Variants in PAGE2 observed in about 807,000 individuals in gnomAD.
PAGE2 encodes P antigen family member 2.
In PAGE2, 6 loss-of-function variants were observed where a neutral mutation model predicts 7.5. The ratio of observed to expected loss-of-function variants is 0.80; its 90% confidence interval spans 0.44 to 1.57. The LOEUF is 1.57. PAGE2 is among the 40% of genes most tolerant of loss of function. PAGE2 has a pLI of 0.01. For synonymous variants in PAGE2, 22 were observed against 25.4 expected, an observed-to-expected ratio of 0.87 and a Z score of 0.41; for missense variants, 72 against 76.4, an observed-to-expected ratio of 0.94 and a Z score of 0.21.
chrX:55,089,830 A>G (rs1219648680), intron 1 of PAGE2, among the ~76,000 whole-genome samples, 183 bp from the exon 2 acceptor site: 1 of 111,157 alleles, frequency 9.0e-6, no homozygotes, highest in Non-Finnish European at 1.9e-5. Flanking sequence ...CTCTTCGACT[A>G]TGATACAAAC....
Position 55,090,627 on chromosome X carries a change from A to G in PAGE2, c.193+17A>G, listed in dbSNP as rs2453229. ...CTTTTCAAGGTGAAGGGAGAGTGGA[A>G]AATAATGCTTATGGGTGGTGGAGGT... On this transcript the variant is annotated intron_variant, in intron 3 of 4. Coordinates refer to ENST00000374968, the MANE Select transcript of PAGE2 (RefSeq NM_207339.4). 1.1e-4 allele frequency: 131 copies of G among 1,175,192 alleles called. 1 individual carries two copies. The highest frequency in any genetic ancestry group is 5.3e-4 in the African/African-American group (29 of 54,569).
chrX:55,089,436 G>C (rs111701018), intron 1 of PAGE2, among the ~76,000 whole-genome samples: 1,414 of 110,394 alleles, frequency 0.013, 79 homozygotes, highest in African/African-American at 0.045. Flanking sequence ...ACGCGGGAAG[G>C]GACCGTGTGG....
chrX:55,090,576 G>T lies in PAGE2; in HGVS notation c.159G>T (p.Gly53=), dbSNP rs1936647275. ...ATAATCAGGGTATTGCACCTAGTGG[G>T]GAGATTGAAAATCAAGCAGTGCCTG... The part of the protein sequence containing the change: ...PTDNQGIAPS[G]EIENQAVPAF... The change falls in exon 3 of 5, where the codon GGG becomes GGT. Residue 53 remains glycine, a synonymous_variant. Transcript: ENST00000374968. 1 of 1,204,628 alleles carries T rather than the reference G, an allele frequency of 8.3e-7. No individual in the cohort carries two copies. Among genetic ancestry groups the T allele is most frequent in the Non-Finnish European group, 1.1e-6 (1 of 893,591 alleles).
At chrX:55,089,646 T>TG (rs1273327916) in intron 1 of PAGE2, among the ~76,000 whole-genome samples, 2 of 108,359 alleles carry the variant, frequency 1.8e-5, no homozygotes, top group Non-Finnish European at 3.8e-5. Flanking sequence ...TTGAGAGGGG[T>TG]GTGGGGGTGA....
At chrX:55,090,741 T>C (rs1225699400) in intron 3 of PAGE2, 131 bp downstream of exon 3, 1 of 550,545 alleles carries the variant, frequency 1.8e-6, no homozygotes, top group East Asian at 3.7e-5. Context: ...ACTGCTGCTG[T>C]GTGGAGGGGT....
At chrX:55,090,821 A>G (rs988300366) in intron 3 of PAGE2, among the ~76,000 whole-genome samples, 12 of 108,333 alleles carry the variant, frequency 1.1e-4, no homozygotes, top group African/African-American at 4.3e-4. Flanking sequence ...TTGATTGGGT[A>G]TTTTCATGGT....
At chrX:55,090,734 G>A in intron 3 of PAGE2, 124 bp downstream of exon 3, 1 of 556,859 alleles carries the variant, frequency 1.8e-6, no homozygotes, top group Non-Finnish European at 2.8e-6. Context: ...ATTTCCTACT[G>A]CTGCTGTGTG....
rs35160510 is a variant in PAGE2, at chrX:55,090,328, G to GTCTATCTATCTA, written c.85-147_85-136dup. Among the ~76,000 whole-genome samples, 213 of 102,045 alleles carry GTCTATCTATCTA rather than the reference G, an allele frequency of 2.1e-3. 1 individual carries two copies. Among genetic ancestry groups the GTCTATCTATCTA allele is most frequent in the African/African-American group, 2.7e-3 (68 of 25,284 alleles). The allele number at this position is 102,045 out of a possible 115,157, so 88.6% of individuals were successfully genotyped here. On this transcript the variant is annotated intron_variant, in intron 2 of 4. Coordinates refer to ENST00000374968, the MANE Select transcript of PAGE2 (RefSeq NM_207339.4). ...TCTCTATGTATGTATCTGTCTGTCTGTCTATCTATCTATCTATCTATCTAT... is the reference window on the plus strand; with the variant it reads ...TCTCTATGTATGTATCTGTCTGTCTGTCTATCTATCTATCTATCTATCTATCTATCTATCTAT...
At chrX:55,089,414 T>A (rs1936633622) in intron 1 of PAGE2, among the ~76,000 whole-genome samples, 1 of 110,070 alleles carries the variant, frequency 9.1e-6, no homozygotes, top group African/African-American at 3.4e-5. Context: ...GTTTCCAAAC[T>A]CCTCAGTAGG....
chrX:55,091,006 T>C (rs1308506907), intron 3 of PAGE2, among the ~76,000 whole-genome samples: 3 of 110,225 alleles, frequency 2.7e-5, no homozygotes, highest in African/African-American at 1.0e-4. Flanking sequence ...TACCACGTAA[T>C]ATACTAAGTG....
Position 55,090,115 on chromosome X carries a change from T to C in PAGE2, c.84+11T>C, listed in dbSNP as rs918611334. On this transcript the variant is annotated intron_variant, in intron 2 of 4. Coordinates refer to ENST00000374968, the MANE Select transcript of PAGE2 (RefSeq NM_207339.4). ...GTTGGATCTGTGATTGTGAGTCTTTTAACATTTGATGTTTTCTATTAACAC... is the reference window on the plus strand; with the variant it reads ...GTTGGATCTGTGATTGTGAGTCTTTCAACATTTGATGTTTTCTATTAACAC... 11 of 1,181,125 alleles carry C rather than the reference T, an allele frequency of 9.3e-6. No homozygotes were observed. In the East Asian group the frequency reaches 2.4e-4, roughly 26 times the overall value.
At chrX:55,090,429 T>A (rs1156341416) in intron 2 of PAGE2, 73 bp from the exon 3 acceptor site, 1 of 962,642 alleles carries the variant, frequency 1.0e-6, no homozygotes, top group Non-Finnish European at 1.4e-6. Flanking sequence ...TTTAGATGTG[T>A]GATTCGATGC....
In PAGE2 at chrX:55,090,740, G is replaced by A. The variant is rs765946252; in HGVS notation, c.193+130G>A. 9 of 546,605 alleles carry A rather than the reference G, an allele frequency of 1.6e-5. 1 individual carries two copies. The African/African-American group carries it at 2.3e-4, about 14-fold the overall frequency. 45.0% of individuals were successfully genotyped at this position (546,605 alleles called of 1,213,427 possible). On this transcript the variant is annotated intron_variant, in intron 3 of 4. Transcript: ENST00000374968. The stretch of plus-strand genomic sequence containing the variant: ...ATCTTAAACATTTCCTACTGCTGCT[G>A]TGTGGAGGGGTGGGACAAGGATGCA...
At chrX:55,089,953 G>C (rs754737088) in intron 1 of PAGE2, 60 bp from the exon 2 acceptor site, 196 of 899,913 alleles carry the variant, frequency 2.2e-4, no homozygotes, top group Non-Finnish European at 2.8e-4. Flanking sequence ...GCCGTGGAAT[G>C]TTCATATATA....
At position 55,089,154 on chromosome X, in the gene PAGE2, GGAGGA is replaced by G. The variant is rs1936630793; in HGVS notation, c.-9+53_-9+57del. The G allele has an allele frequency of 1.8e-5, 2 of 111,769 alleles. 1 individual carries two copies. The highest frequency in any genetic ancestry group is 6.7e-5 in the African/African-American group (2 of 29,964). The allele number at this position is 111,769 out of a possible 1,213,427, so 9.2% of individuals were successfully genotyped here. On this transcript the variant is annotated intron_variant, in intron 1 of 4. Coordinates refer to ENST00000374968, the MANE Select transcript of PAGE2 (RefSeq NM_207339.4). Reference sequence around the variant, plus strand: ...GGAATTTAGTTGTGAGAGAATGTGTGGAGGAGCCAGCTGGCTTTGGACAGGTCCTG... The same window carrying G: ...GGAATTTAGTTGTGAGAGAATGTGTGGCCAGCTGGCTTTGGACAGGTCCTG...
intron 3 of PAGE2, 62 bp downstream of exon 3, chrX:55,090,672 T>A: frequency 2.5e-6 from 2 of 801,604 alleles, no homozygotes; most frequent in Non-Finnish European, 3.6e-6. Flanking sequence ...CATTGTATTT[T>A]ATGACATACC....
At chrX:55,090,140 C>T (rs1438364505) in intron 2 of PAGE2, 36 bp downstream of exon 2, 7 of 1,135,560 alleles carry the variant, frequency 6.2e-6, no homozygotes, top group Non-Finnish European at 8.4e-6. Flanking sequence ...TCTATTAACA[C>T]AATTTATTTT....
In PAGE2 at chrX:55,090,048, C is replaced by A; in HGVS notation, c.28C>A (p.Gln10Lys). Residue 10 changes from glutamine to lysine, a missense_variant, in exon 2 of 5, where the codon CAA (glutamine) becomes AAA (lysine). Coordinates refer to ENST00000374968, the MANE Select transcript of PAGE2 (RefSeq NM_207339.4). ...GAGTGAGCTTCTAAGAGCAAGATCC[C>A]AATCCTCAGAAAGAGGAAATGACCA... MSELLRARS[Q>K]SSERGNDQES... 1 of 1,202,829 alleles carries A rather than the reference C, an allele frequency of 8.3e-7. No homozygotes were observed. Among genetic ancestry groups the A allele is most frequent in the Non-Finnish European group, 1.1e-6 (1 of 889,337 alleles).
chrX:55,090,667 T>C (rs1936648224), intron 3 of PAGE2, 57 bp downstream of exon 3: 2 of 887,615 alleles, frequency 2.3e-6, no homozygotes, highest in South Asian at 2.3e-5. Context: ...TTATGCATTG[T>C]ATTTTATGAC....
Sources: gnomAD v4.1 joint callset for allele counts (sites outside exome capture counted in the v4.1 genomes callset) on GRCh38, gnomAD v4.1.1 for gene constraint, MANE v1.5 for transcripts, NCBI Gene and HGNC (gene_info 2026-07-23, HGNC 2026-07-21) for gene names.